The following PI4KA variants were observed in gnomAD, a reference collection of about 807,000 sequenced individuals.
PI4KA encodes the protein phosphatidylinositol 4-kinase alpha, also known as PI4-kinase alpha.
In PI4KA, 122 loss-of-function variants were observed where a neutral mutation model predicts 271.4. The ratio of observed to expected loss-of-function variants is 0.45; its 90% CI spans 0.39 to 0.52. PI4KA has a LOEUF of 0.52. PI4KA is among the 20% of genes least tolerant of loss of function. The probability of loss-of-function intolerance (pLI) is 0.00; values close to 1 mark genes in which losing one functional copy is unlikely to be tolerated. For missense variants in PI4KA, 1,969 were observed against 2,769.1 expected (o/e 0.71, Z 6.48); for synonymous variants, 1,041 against 1,078.8 (o/e 0.96, Z 0.69).
intron 19 of PI4KA, among the ~76,000 whole-genome samples, chr22:20,791,159 A>C (rs1934621929): frequency 6.6e-6 from 1 of 152,232 alleles, no homozygotes; most frequent in African/African-American, 2.4e-5. Flanking sequence ...TCCACTATGC[A>C]TATATTAAGC....
chr22:20,746,038 CAAAAAA>C (rs11330592), intron 29 of PI4KA, among the ~76,000 whole-genome samples: 3 of 60,372 alleles, frequency 5.0e-5, no homozygotes, highest in African/African-American at 2.1e-4. Flanking sequence ...GGGGTTTCAT[CAAAAAA>C]AAAAAAAAAA....
At position 20,767,986 on chromosome 22, in the gene PI4KA, C is replaced by A. The variant is rs536128007; in HGVS notation, c.2329-2293G>T. On this transcript the variant is annotated intron_variant, in intron 19 of 54. Transcript: ENST00000255882. ...ATTATTATTATTATTATTTCCAATT[C>A]AAAAATTTTAATTTAAAAGTAAACT... Among the ~76,000 whole-genome samples the A allele has an allele frequency of 1.7e-3, 252 of 144,616 alleles. 2 individuals carry two copies. The highest frequency in any genetic ancestry group is 6.0e-3 in the African/African-American group (241 of 40,006). 94.9% of individuals were successfully genotyped at this position (144,616 alleles called of 152,430 possible).
At chr22:20,720,394 A>T (rs1926595551) in intron 43 of PI4KA, among the ~76,000 whole-genome samples, 1 of 152,156 alleles carries the variant, frequency 6.6e-6, no homozygotes, top group Non-Finnish European at 1.5e-5. Flanking sequence ...AGCTACAAAA[A>T]ATTAAAAATT....
chr22:20,813,957 C>T (rs1921400476), intron 7 of PI4KA, among the ~76,000 whole-genome samples: 1 of 152,144 alleles, frequency 6.6e-6, no homozygotes, highest in Non-Finnish European at 1.5e-5. Context: ...CGTCGCCACA[C>T]CTAGGTAATT....
chr22:20,716,668 T>C (rs1180715086), intron 45 of PI4KA, among the ~76,000 whole-genome samples: 7 of 152,082 alleles, frequency 4.6e-5, no homozygotes, highest in African/African-American at 1.7e-4. Context: ...CAACACAATC[T>C]AGAGCCAGGG....
chr22:20,808,972 G>GAA (rs1021237203), intron 9 of PI4KA, among the ~76,000 whole-genome samples: 33 of 152,188 alleles, frequency 2.2e-4, no homozygotes, highest in Non-Finnish European at 3.7e-4. Flanking sequence ...AGCAGGTGGA[G>GAA]AAAAAAAGAA....
At chr22:20,762,244 G>C (rs888242426) in intron 22 of PI4KA, among the ~76,000 whole-genome samples, 1 of 152,164 alleles carries the variant, frequency 6.6e-6, no homozygotes, top group Non-Finnish European at 1.5e-5. Context: ...GCACCAACCT[G>C]TCAAGAGTTA....
Position 20,802,025 on chromosome 22 carries a change from G to A in PI4KA, c.1672C>T (p.Gln558Ter), listed in dbSNP as rs1218650257. ...CGGAGCTGCTCGTACATGGAGGGCT[G>A]GCTCTTCTTACCCGACATGACGTTC... ...TLNVMSGKKS[Q>*]PSMYEQLRDI... The change falls in exon 14 of 55, where the codon CAG becomes TAG. Residue 558 changes from glutamine (Q) to a stop codon, truncating the protein, a stop_gained. Transcript: ENST00000255882. LOFTEE classifies it high-confidence loss of function. The A allele has an allele frequency of 1.2e-6, 2 of 1,614,118 alleles. No homozygotes were observed. Among genetic ancestry groups the A allele is most frequent in the Middle Eastern group, 1.6e-4 (1 of 6,062 alleles).
chr22:20,759,245 T>A (rs1285390740), intron 23 of PI4KA, among the ~76,000 whole-genome samples: 1 of 152,120 alleles, frequency 6.6e-6, no homozygotes, highest in Admixed American at 6.5e-5. Context: ...GGTATTGCTA[T>A]GTAGCCCAGG....
chr22:20,749,838 TC>T, intron 28 of PI4KA, 66 bp downstream of exon 28: 2 of 942,434 alleles, frequency 2.1e-6, no homozygotes, highest in South Asian at 2.7e-5. Context: ...GTTCTTCATG[TC>T]TCTGTAAAGC....
intron 54 of PI4KA, among the ~76,000 whole-genome samples, chr22:20,708,495 CTCCT>C (rs1234512524): frequency 2.0e-5 from 3 of 148,348 alleles, no homozygotes; most frequent in Non-Finnish European, 4.5e-5. Context: ...TCAGCAAGAG[CTCCT>C]TCCGTGCCCA....
At chr22:20,753,311 C>T (rs887722039) in intron 23 of PI4KA, 131 bp from the exon 24 acceptor site, 11 of 778,166 alleles carry the variant, frequency 1.4e-5, no homozygotes, top group Non-Finnish European at 2.2e-5. Flanking sequence ...CTCCCATATA[C>T]CCTTCACCTA....
At chr22:20,842,073 G>A (rs904262516) in intron 1 of PI4KA, among the ~76,000 whole-genome samples, 53 of 151,914 alleles carry the variant, frequency 3.5e-4, no homozygotes, top group Non-Finnish European at 6.2e-4. Flanking sequence ...AAAATTAGCC[G>A]GGCATGGTGG....
At chr22:20,834,678 A>T in intron 2 of PI4KA, 23 bp from the exon 3 acceptor site, 1 of 1,437,520 alleles carries the variant, frequency 7.0e-7, no homozygotes, top group South Asian at 1.2e-5. Flanking sequence ...AAGAAGAATA[A>T]TAAATTAGAT....
intron 9 of PI4KA, among the ~76,000 whole-genome samples, chr22:20,809,767 T>C (rs983223429): frequency 2.6e-5 from 4 of 152,134 alleles, no homozygotes; most frequent in African/African-American, 9.7e-5. Flanking sequence ...GGAGACAAGG[T>C]AGGAACTGCC....
At chr22:20,729,850 T>C (rs781712030) in intron 37 of PI4KA, 42 bp downstream of exon 37, 19 of 1,612,384 alleles carry the variant, frequency 1.2e-5, no homozygotes, top group African/African-American at 9.3e-5. Context: ...ACTAGAATGA[T>C]AGCTTGCATG....
chr22:20,747,675 C>A lies in PI4KA; in HGVS notation c.3271G>T (p.Val1091Leu). The change falls in exon 29 of 55, where the codon GTA becomes TTA. Residue 1091 changes from valine to leucine, a missense_variant. Val to Leu is a conservative substitution (Grantham distance 32). Transcript: ENST00000255882. ...QEYLNKHQNW[V>L]SGLSQHTGLA... Reference sequence around the variant, plus strand: ...CCCGTGTGCTGGGACAGTCCCGATACCCAGTTCTGATGTTTGTTCAGATAT... The same window carrying A: ...CCCGTGTGCTGGGACAGTCCCGATAACCAGTTCTGATGTTTGTTCAGATAT... 5 of 1,613,844 alleles carry A rather than the reference C, an allele frequency of 3.1e-6. No homozygotes were observed. The highest frequency in any genetic ancestry group is 4.2e-6 in the Non-Finnish European group (5 of 1,179,786).
At chr22:20,804,904 G>T in intron 11 of PI4KA, 70 bp downstream of exon 11, 1 of 1,301,680 alleles carries the variant, frequency 7.7e-7, no homozygotes. Flanking sequence ...GTAGTTTGGG[G>T]AAACTTGTGG....
At chr22:20,780,082 C>G in intron 19 of PI4KA, 2 of 1,614,126 alleles carry the variant, frequency 1.2e-6, no homozygotes, top group Non-Finnish European at 8.5e-7. Flanking sequence ...TCAGACCCTG[C>G]CTTCATATCA....
Sources: gnomAD v4.1 joint callset for allele counts (sites outside exome capture counted in the v4.1 genomes callset) on GRCh38, gnomAD v4.1.1 for gene constraint, MANE v1.5 for transcripts, NCBI Gene and HGNC (gene_info 2026-07-23, HGNC 2026-07-21) for gene names.